CPAMD8: variants seen among roughly 807,000 people sequenced by gnomAD.
CPAMD8 encodes C3 and PZP-like alpha-2-macroglobulin domain-containing protein 8.
Under a neutral mutation model 224.7 loss-of-function variants are expected in CPAMD8, and 146 were observed. That is an observed-to-expected ratio of 0.65 (90% CI 0.57 to 0.75). The LOEUF is 0.75. Among genes scored for constraint, CPAMD8 ranks in the 30% least tolerant of loss-of-function variants. The pLI, the probability that CPAMD8 is intolerant of heterozygous loss-of-function variation, is 0.00. For synonymous variants in CPAMD8, 966 were observed against 1,044.6 expected, an observed-to-expected ratio of 0.92 and a Z score of 1.45; for missense variants, 2,301 against 2,537.5, an observed-to-expected ratio of 0.91 and a Z score of 2.00.
chr19:16,896,350 G>A, intron 40 of CPAMD8, 24 bp from the exon 41 acceptor site: 4 of 1,578,260 alleles, frequency 2.5e-6, no homozygotes, highest in Non-Finnish European at 3.4e-6. Context: ...GGCCTCGGTC[G>A]GGAGGGCGTG....
In CPAMD8 at chr19:16,922,747, C is replaced by T. The variant is rs898629305; in HGVS notation, c.3548-761G>A. Among the ~76,000 whole-genome samples, 7 of 152,198 alleles carry T rather than the reference C, an allele frequency of 4.6e-5. No homozygotes were observed. In the East Asian group the frequency reaches 1.4e-3, roughly 29 times the overall value. On this transcript the variant is annotated intron_variant, in intron 26 of 41. Coordinates refer to ENST00000443236, the MANE Select transcript of CPAMD8 (RefSeq NM_015692.5). ...ACATCTGGGGTTCCTGAAACTGCTC[C>T]ACACCACATCTGGGGTCCTTGAAAC...
chr19:16,991,410 G>C (rs898343257), intron 12 of CPAMD8, among the ~76,000 whole-genome samples: 2 of 152,270 alleles, frequency 1.3e-5, no homozygotes, highest in South Asian at 4.1e-4. Flanking sequence ...CTTGTGGAGA[G>C]GGCTGTGCCT....
Position 16,957,838 on chromosome 19 carries a change from G to A in CPAMD8, c.2276+15C>T, listed in dbSNP as rs368970859. On this transcript the variant is annotated intron_variant, in intron 19 of 41. Transcript: ENST00000443236. ...CAACCGGCAAAGTCAGCGCAGAAAA[G>A]AAATCTTAATGTACCTGATGTTGAG... The A allele has an allele frequency of 1.7e-4, 280 of 1,613,470 alleles. 1 individual carries two copies. The highest frequency in any genetic ancestry group is 2.2e-4 in the Non-Finnish European group (262 of 1,179,810).
intron 35 of CPAMD8, among the ~76,000 whole-genome samples, chr19:16,901,794 G>C (rs999081963): frequency 1.3e-5 from 2 of 152,190 alleles, no homozygotes; most frequent in African/African-American, 2.4e-5. Flanking sequence ...GCTTCCTATA[G>C]GGCGTTGGGG....
intron 29 of CPAMD8, chr19:16,910,401 C>T (rs1220203495): frequency 1.3e-5 from 2 of 151,742 alleles, no homozygotes; most frequent in Non-Finnish European, 2.9e-5. Flanking sequence ...AACTCCCAAC[C>T]TCAGGTGATC....
At chr19:17,015,066 G>C (rs1278084277) in intron 3 of CPAMD8, among the ~76,000 whole-genome samples, 1 of 152,060 alleles carries the variant, frequency 6.6e-6, no homozygotes, top group Non-Finnish European at 1.5e-5. Context: ...ACATGGCGAA[G>C]CCCCGTCTCT....
chr19:17,004,255 T>C lies in CPAMD8; in HGVS notation c.673+18A>G, dbSNP rs1050181307. ...TCCCAGATCTGAAATCCCAAGACCC[T>C]GAGATTCTCCAACTTACCATACTTC... On this transcript the variant is annotated intron_variant, in intron 8 of 41. Coordinates refer to ENST00000443236, the MANE Select transcript of CPAMD8 (RefSeq NM_015692.5). 1.1e-5 allele frequency: 17 copies of C among 1,518,970 alleles called. No homozygotes were observed. In the African/African-American group the frequency reaches 2.2e-4, roughly 20 times the overall value. The allele number at this position is 1,518,970 out of a possible 1,614,324, so 94.1% of individuals were successfully genotyped here.
At chr19:16,990,413 C>A (rs1321506811) in intron 12 of CPAMD8, among the ~76,000 whole-genome samples, 1 of 151,846 alleles carries the variant, frequency 6.6e-6, no homozygotes, top group Non-Finnish European at 1.5e-5. Context: ...AAGATCCAGT[C>A]TCTACAAAAA....
intron 8 of CPAMD8, 50 bp downstream of exon 8, chr19:17,004,223 A>C (rs2056419528): frequency 7.6e-7 from 1 of 1,318,540 alleles, no homozygotes; most frequent in Non-Finnish European, 1.1e-6. Context: ...CCAGTTTCTA[A>C]GGTTTCTCCC....
At chr19:16,906,041 G>A (rs1267315128) in intron 30 of CPAMD8, among the ~76,000 whole-genome samples, 1 of 152,124 alleles carries the variant, frequency 6.6e-6, no homozygotes, top group Non-Finnish European at 1.5e-5. Flanking sequence ...CTGGCCGGAG[G>A]CGGGGGATGC....
intron 16 of CPAMD8, among the ~76,000 whole-genome samples, chr19:16,975,461 A>C (rs1356562006): frequency 6.6e-6 from 1 of 152,136 alleles, no homozygotes; most frequent in African/African-American, 2.4e-5. Context: ...AATCCCAGTT[A>C]CTGGGGAGGC....
chr19:17,025,732 G>A (rs963329304), intron 1 of CPAMD8, among the ~76,000 whole-genome samples: 1 of 152,160 alleles, frequency 6.6e-6, no homozygotes. Flanking sequence ...GAAGCATTAG[G>A]ATGAAAATTT....
chr19:16,949,074 A>C (rs1373402834), intron 20 of CPAMD8, among the ~76,000 whole-genome samples: 1 of 150,232 alleles, frequency 6.7e-6, no homozygotes, highest in African/African-American at 2.4e-5. Context: ...GGGAGGAAGG[A>C]AGGGAGGAAG....
chr19:16,922,554 G>C (rs1294767656), intron 26 of CPAMD8, among the ~76,000 whole-genome samples: 1 of 146,252 alleles, frequency 6.8e-6, no homozygotes, highest in Non-Finnish European at 1.5e-5. Flanking sequence ...TCTTGAAACT[G>C]CCCCATACCC....
chr19:16,923,112 C>A (rs559652753), intron 26 of CPAMD8, among the ~76,000 whole-genome samples: 1 of 152,154 alleles, frequency 6.6e-6, no homozygotes, highest in Non-Finnish European at 1.5e-5. Context: ...GGACAGGGAA[C>A]GGAGCAGGGA....
At chr19:16,931,891 A>G (rs2144984870) in intron 23 of CPAMD8, among the ~76,000 whole-genome samples, 1 of 152,354 alleles carries the variant, frequency 6.6e-6, no homozygotes, top group Admixed American at 6.5e-5. Flanking sequence ...GAATCAATCT[A>G]AATGCTGTAC....
chr19:16,967,126 T>C lies in CPAMD8; in HGVS notation c.2213+3765A>G, dbSNP rs1482887504. ...AATGATAGACTGGATTAAGAAAATG[T>C]GGCACATATACACCATGGAATACTA... On this transcript the variant is annotated intron_variant, in intron 18 of 41. Transcript: ENST00000443236. 2.0e-5 allele frequency among the ~76,000 whole-genome samples: 3 copies of C among 152,246 alleles called. No individual in the cohort carries two copies. The East Asian group carries it at 5.8e-4, about 29-fold the overall frequency.
chr19:16,991,157 T>C (rs2055936101), intron 12 of CPAMD8, among the ~76,000 whole-genome samples: 1 of 152,132 alleles, frequency 6.6e-6, no homozygotes, highest in Non-Finnish European at 1.5e-5. Context: ...TTAGCAATGC[T>C]CAGCTTGTGG....
intron 21 of CPAMD8, among the ~76,000 whole-genome samples, chr19:16,946,526 TG>T (rs2054098763): frequency 6.8e-6 from 1 of 146,432 alleles, no homozygotes; most frequent in Non-Finnish European, 1.5e-5. Context: ...TGTGTGTGTG[TG>T]TGAATGCATG....
Sources: allele counts gnomAD v4.1 joint callset (sites outside exome capture counted in the v4.1 genomes callset), GRCh38; gene constraint gnomAD v4.1.1; transcripts MANE v1.5; gene names NCBI Gene and HGNC (gene_info 2026-07-23, HGNC 2026-07-21).